Variants in TENM3 observed in about 807,000 individuals in gnomAD.
The protein encoded by TENM3 is teneurin transmembrane protein 3, also known as teneurin-3.
TENM3 carries 63 observed loss-of-function variants against 255.1 expected under a neutral mutation model. The ratio of observed to expected loss-of-function variants is 0.25; its 90% CI spans 0.20 to 0.30. The LOEUF is 0.30. Among genes scored for constraint, TENM3 ranks in the 10% least tolerant of loss-of-function variants. TENM3 has a pLI of 1.00. For missense variants in TENM3, 2,929 were observed against 3,461.1 expected, an observed-to-expected ratio of 0.85 and a Z score of 3.86; for synonymous variants, 1,306 against 1,322.3, an observed-to-expected ratio of 0.99 and a Z score of 0.27.
intron 3 of TENM3, among the ~76,000 whole-genome samples, chr4:182,488,674 A>G (rs1734984830): frequency 6.6e-6 from 1 of 152,224 alleles, no homozygotes; most frequent in African/African-American, 2.4e-5. Flanking sequence ...AGTCAGAGAC[A>G]GGACAACTGA....
At chr4:182,563,746 A>G (rs1040015515) in intron 3 of TENM3, among the ~76,000 whole-genome samples, 2 of 152,220 alleles carry the variant, frequency 1.3e-5, no homozygotes, top group African/African-American at 4.8e-5. Flanking sequence ...CAAACATATA[A>G]TGAGTGCTTT....
the TENM3 span, among the ~76,000 whole-genome samples, chr4:181,875,800 C>A: frequency 6.6e-6 from 1 of 152,008 alleles, no homozygotes; most frequent in Non-Finnish European, 1.5e-5. Context: ...GTTCCCCTGA[C>A]AAACTTAGTG....
intron 3 of TENM3, among the ~76,000 whole-genome samples, chr4:182,398,970 C>A (rs1240937034): frequency 4.6e-5 from 7 of 152,184 alleles, no homozygotes; most frequent in Non-Finnish European, 1.0e-4. Flanking sequence ...CAGCAAGTGT[C>A]TGTTGATTGC....
rs1755969787 is a variant in TENM3 at position 182,679,679 on chromosome 4, A to G, written c.1340A>G (p.Glu447Gly). 6.2e-7 allele frequency: 1 copy of G among 1,612,002 alleles called. No individual in the cohort carries two copies. The highest frequency in any genetic ancestry group is 1.7e-5 in the Admixed American group (1 of 59,982). ...PPSHTQYDFV[E>G]LLDGSRLIAR... ...TCCTCCCCCCAGTATGACTTCGTGG[A>G]GCTCCTGGATGGCAGCAGGCTGATT... The change falls in exon 8 of 28, where the codon GAG becomes GGG. Residue 447 changes from glutamate to glycine, a missense_variant. By Grantham distance (98) the Glu-to-Gly change is moderately conservative (BLOSUM62 -2). Around this residue, in one of 6 missense-constraint regions of TENM3, gnomAD observed 1,608 missense variants for 1,884.4 expected, o/e 0.85. Coordinates refer to ENST00000511685, the MANE Select transcript of TENM3 (RefSeq NM_001080477.4).
intron 4 of TENM3, among the ~76,000 whole-genome samples, chr4:182,627,282 C>A (rs1410655421): frequency 2.0e-5 from 3 of 152,118 alleles, no homozygotes; most frequent in Non-Finnish European, 4.4e-5. Context: ...GAGGTAGATA[C>A]TATTACCATC....
chr4:181,690,305 A>G, the TENM3 span, among the ~76,000 whole-genome samples: 5 of 152,106 alleles, frequency 3.3e-5, no homozygotes, highest in Non-Finnish European at 1.5e-5. Context: ...GTAGACATTG[A>G]GGTGTTCTGT....
At chr4:182,332,805 AAC>A (rs1346500040) in intron 2 of TENM3, among the ~76,000 whole-genome samples, 1 of 152,174 alleles carries the variant, frequency 6.6e-6, no homozygotes, top group Non-Finnish European at 1.5e-5. Context: ...TGAAATTTAA[AAC>A]AGACAAAACA....
chr4:182,022,925 T>A, the TENM3 span, among the ~76,000 whole-genome samples: 74 of 152,332 alleles, frequency 4.9e-4, no homozygotes, highest in African/African-American at 1.5e-3. Flanking sequence ...GGATAGGGGC[T>A]GAGGAGGGAG....
chr4:181,515,253 T>G, the TENM3 span, among the ~76,000 whole-genome samples: 1 of 152,218 alleles, frequency 6.6e-6, no homozygotes, highest in South Asian at 2.1e-4. Flanking sequence ...ATTTCTGCCA[T>G]GTCTTACTGT....
intron 22 of TENM3, among the ~76,000 whole-genome samples, chr4:182,772,918 C>G (rs561589860): frequency 6.6e-6 from 1 of 152,194 alleles, no homozygotes; most frequent in African/African-American, 2.4e-5. Flanking sequence ...TCTAATTTAC[C>G]ATTATGAAGT....
the TENM3 span, among the ~76,000 whole-genome samples, chr4:181,948,148 A>G: frequency 6.6e-6 from 1 of 152,344 alleles, no homozygotes; most frequent in African/African-American, 2.4e-5. Flanking sequence ...GCCTTCAGCC[A>G]TGCAATAATT....
intron 3 of TENM3, among the ~76,000 whole-genome samples, chr4:182,444,081 A>G (rs1415673404): frequency 6.6e-6 from 1 of 152,242 alleles, no homozygotes. Flanking sequence ...CTATTACACT[A>G]GCCTTTTAGA....
chr4:182,272,718 G>C (rs1209888270), intron 1 of TENM3, among the ~76,000 whole-genome samples: 6 of 152,214 alleles, frequency 3.9e-5, no homozygotes, highest in African/African-American at 1.4e-4. Flanking sequence ...CGGTGAAGAA[G>C]ACAGACATGG....
At chr4:181,513,030 A>G in the TENM3 span, among the ~76,000 whole-genome samples, 1 of 152,230 alleles carries the variant, frequency 6.6e-6, no homozygotes, top group African/African-American at 2.4e-5. Context: ...TCTCTATTAT[A>G]TAGACAATGT....
intron 3 of TENM3, among the ~76,000 whole-genome samples, chr4:182,420,032 A>T (rs550217133): frequency 1.5e-4 from 23 of 152,048 alleles, no homozygotes; most frequent in Admixed American, 5.9e-4. Flanking sequence ...ATAATAATAA[A>T]AAGAAATACT....
At chr4:181,600,273 A>T in the TENM3 span, among the ~76,000 whole-genome samples, 72,365 of 151,986 alleles carry the variant, frequency 0.48, 19,416 homozygotes, top group Non-Finnish European at 0.6. Flanking sequence ...TGCTGTTTTG[A>T]ACATTCTGAT....
intron 3 of TENM3, among the ~76,000 whole-genome samples, chr4:182,373,806 G>A (rs1767002847): frequency 6.6e-6 from 1 of 152,194 alleles, no homozygotes; most frequent in Non-Finnish European, 1.5e-5. Flanking sequence ...GGGGAATTGT[G>A]ACTTTCCTAT....
chr4:181,680,271 T>C, the TENM3 span, among the ~76,000 whole-genome samples: 16 of 152,124 alleles, frequency 1.1e-4, no homozygotes, highest in African/African-American at 3.9e-4. Flanking sequence ...AAATAGTAAA[T>C]ACATTTCATG....
chr4:182,596,635 T>G (rs1253812092), intron 3 of TENM3, among the ~76,000 whole-genome samples: 1 of 152,166 alleles, frequency 6.6e-6, no homozygotes, highest in Admixed American at 6.5e-5. Context: ...ATGGAGTGGC[T>G]ACAGCAAGCG....
Sources: gnomAD v4.1 joint callset for allele counts (sites outside exome capture counted in the v4.1 genomes callset) on GRCh38, gnomAD v4.1.1 for gene constraint, gnomAD v4.1.1 regional missense constraint, MANE v1.5 for transcripts, NCBI Gene and HGNC (gene_info 2026-07-23, HGNC 2026-07-21) for gene names.